Variants in LMO7 observed in about 807,000 individuals in gnomAD.
LMO7 encodes the protein LIM domain 7, also known as LIM domain only protein 7.
In LMO7, 120 loss-of-function variants were observed where a neutral mutation model predicts 206.5. The ratio of observed to expected loss-of-function variants is 0.58; its 90% CI spans 0.50 to 0.68. The LOEUF (loss-of-function observed/expected upper bound fraction) is 0.68. Among genes scored for constraint, LMO7 ranks in the 30% least tolerant of loss-of-function variants. The pLI is 0.00. For synonymous variants in LMO7, 706 were observed against 681.5 expected (o/e 1.04, Z -0.56); for missense variants, 1,959 against 1,957.9 (o/e 1.00, Z -0.01).
chr13:75,675,409 G>C (rs1428191223), intron 1 of LMO7, among the ~76,000 whole-genome samples: 1 of 152,060 alleles, frequency 6.6e-6, no homozygotes, highest in African/African-American at 2.4e-5. Flanking sequence ...TTTCCTTTCA[G>C]TTATAAAATC....
chr13:75,844,270 A>G (rs990860203), intron 25 of LMO7, among the ~76,000 whole-genome samples: 4 of 151,938 alleles, frequency 2.6e-5, no homozygotes, highest in African/African-American at 9.7e-5. Context: ...GCTGTCTACC[A>G]CTTATGATAC....
intron 2 of LMO7, among the ~76,000 whole-genome samples, chr13:75,723,501 G>C (rs1028568464): frequency 1.3e-5 from 2 of 152,166 alleles, no homozygotes; most frequent in Non-Finnish European, 2.9e-5. Flanking sequence ...AAAGCTTTCT[G>C]ATAAAGGGAA....
Position 75,686,356 on chromosome 13 carries a change from G to A in LMO7, c.70-26826G>A, listed in dbSNP as rs114594426. 1.9e-3 allele frequency among the ~76,000 whole-genome samples: 288 copies of A among 152,134 alleles called. 2 individuals carry two copies. The highest frequency in any genetic ancestry group is 6.6e-3 in the African/African-American group (275 of 41,498). ...CCTCTTTATAAAATGATCAGATCTC[G>A]TGAGACTTAATCATCATCACGAGAA... is the stretch of plus-strand genomic sequence containing the variant. On this transcript the variant is annotated intron_variant, in intron 1 of 30. Transcript: ENST00000377534.
intron 15 of LMO7, among the ~76,000 whole-genome samples, chr13:75,825,032 T>G (rs1408856370): frequency 6.6e-6 from 1 of 152,186 alleles, no homozygotes; most frequent in Non-Finnish European, 1.5e-5. Context: ...AAATTGCTGA[T>G]AATTCCATCA....
intron 1 of LMO7, among the ~76,000 whole-genome samples, chr13:75,656,633 G>C (rs2038085629): frequency 6.6e-6 from 1 of 152,108 alleles, no homozygotes; most frequent in Non-Finnish European, 1.5e-5. Context: ...GCGGTTAGTA[G>C]ACTACAGAAG....
At chr13:75,723,085 A>C (rs1206476650) in intron 2 of LMO7, among the ~76,000 whole-genome samples, 1 of 152,090 alleles carries the variant, frequency 6.6e-6, no homozygotes, top group Non-Finnish European at 1.5e-5. Flanking sequence ...TCAAGTGATG[A>C]GTGCACCAAA....
At chr13:75,650,809 C>G (rs948386378) in intron 1 of LMO7, among the ~76,000 whole-genome samples, 1 of 151,954 alleles carries the variant, frequency 6.6e-6, no homozygotes, top group Non-Finnish European at 1.5e-5. Flanking sequence ...CTTTAAATTA[C>G]TTTTTGTATT....
chr13:75,705,416 T>G (rs1027476747), intron 1 of LMO7, among the ~76,000 whole-genome samples: 3 of 152,152 alleles, frequency 2.0e-5, no homozygotes, highest in African/African-American at 4.8e-5. Flanking sequence ...TCAGATTATT[T>G]TAGGTGGGGA....
At chr13:75,722,162 C>T (rs2044073870) in intron 2 of LMO7, among the ~76,000 whole-genome samples, 1 of 152,072 alleles carries the variant, frequency 6.6e-6, no homozygotes, top group Admixed American at 6.6e-5. Context: ...GACTTCATGA[C>T]CAAGAACCCA....
intron 1 of LMO7, among the ~76,000 whole-genome samples, chr13:75,706,789 TA>T (rs1355113315): frequency 2.6e-5 from 4 of 152,178 alleles, no homozygotes; most frequent in Non-Finnish European, 5.9e-5. Context: ...GAAGATAATT[TA>T]ATTTTTGTAG....
At chr13:75,636,749 C>A in intron 1 of LMO7, 23 bp downstream of exon 1, 1 of 1,594,924 alleles carries the variant, frequency 6.3e-7, no homozygotes, top group Non-Finnish European at 8.5e-7. Flanking sequence ...CACTGCTTTC[C>A]CTTCCGCAGG....
chr13:75,652,821 C>A (rs2037714959), intron 1 of LMO7, among the ~76,000 whole-genome samples: 3 of 152,076 alleles, frequency 2.0e-5, no homozygotes, highest in Non-Finnish European at 4.4e-5. Context: ...TTATATAAAT[C>A]ATAAATCCAC....
chr13:75,782,565 A>T (rs964242997), intron 4 of LMO7, among the ~76,000 whole-genome samples: 1 of 152,208 alleles, frequency 6.6e-6, no homozygotes, highest in Non-Finnish European at 1.5e-5. Context: ...AATGACCACA[A>T]ATGTAGTGAC....
At chr13:75,780,659 C>A (rs905425448) in intron 4 of LMO7, among the ~76,000 whole-genome samples, 1 of 152,150 alleles carries the variant, frequency 6.6e-6, no homozygotes, top group Admixed American at 6.5e-5. Context: ...AGATTAAAGA[C>A]AGTCATAGGA....
At chr13:75,735,356 T>C (rs887747152) in intron 3 of LMO7, among the ~76,000 whole-genome samples, 1 of 151,962 alleles carries the variant, frequency 6.6e-6, no homozygotes, top group Non-Finnish European at 1.5e-5. Flanking sequence ...GTTCTGTGTG[T>C]ATTTGTATAC....
intron 17 of LMO7, 102 bp from the exon 18 acceptor site, chr13:75,835,131 T>A (rs1296562888): frequency 6.6e-7 from 1 of 1,514,792 alleles, no homozygotes; most frequent in Non-Finnish European, 8.9e-7. Context: ...TGTACTCATT[T>A]GATCTTCATG....
chr13:75,672,240 AT>A (rs568135884), intron 1 of LMO7, among the ~76,000 whole-genome samples: 36,834 of 131,374 alleles, frequency 0.28, 3,922 homozygotes, highest in Non-Finnish European at 0.34. Flanking sequence ...TTAAAAAAAG[AT>A]TTTTTTTTTT....
At chr13:75,710,918 T>C (rs2043053112) in intron 1 of LMO7, among the ~76,000 whole-genome samples, 1 of 152,030 alleles carries the variant, frequency 6.6e-6, no homozygotes, top group South Asian at 2.1e-4. Context: ...CCATTCATTA[T>C]GATATTGTCT....
Position 75,858,653 on chromosome 13 carries a change from T to C in LMO7, c.*710T>C, listed in dbSNP as rs1253555716. The C allele has an allele frequency of 6.5e-6, 1 of 152,696 alleles. No individual in the cohort carries two copies. Among genetic ancestry groups the C allele is most frequent in the Non-Finnish European group, 1.5e-5 (1 of 68,040 alleles). The allele number at this position is 152,696 out of a possible 1,614,324, so 9.5% of individuals were successfully genotyped here. ...GAGCCTTTCTGTTCAATTGCATTTG[T>C]AAATAAACTTGCTGATGCATTTAAC... On this transcript the variant is annotated 3_prime_UTR_variant, in exon 31 of 31. Transcript: ENST00000377534.
Sources: allele counts gnomAD v4.1 joint callset (sites outside exome capture counted in the v4.1 genomes callset), GRCh38; gene constraint gnomAD v4.1.1; transcripts MANE v1.5; gene names NCBI Gene and HGNC (gene_info 2026-07-23, HGNC 2026-07-21).